Variants in MGAT5 observed in about 807,000 individuals in gnomAD.
MGAT5 encodes the protein alpha-1,6-mannosylglycoprotein 6-beta-N-acetylglucosaminyltransferase.
Under a neutral mutation model 94.3 loss-of-function variants are expected in MGAT5, and 30 were observed. That is an observed-to-expected ratio of 0.32 (90% CI 0.24 to 0.43). MGAT5 has a LOEUF of 0.43. MGAT5 is among the 20% of genes least tolerant of loss of function. The probability of loss-of-function intolerance (pLI) is 1.00; values close to 1 mark genes in which losing one functional copy is unlikely to be tolerated. For synonymous variants in MGAT5, 310 were observed against 322.9 expected (o/e 0.96, Z 0.43); for missense variants, 691 against 905.5 (o/e 0.76, Z 3.04).
intron 1 of MGAT5, among the ~76,000 whole-genome samples, chr2:134,183,792 C>T (rs183256892): frequency 5.9e-5 from 9 of 152,352 alleles, no homozygotes; most frequent in Admixed American, 2.6e-4. Context: ...GGCTGGCTCG[C>T]TCATGTTGAG....
intron 1 of MGAT5, among the ~76,000 whole-genome samples, chr2:134,264,266 T>TC (rs1481751537): frequency 6.6e-6 from 1 of 151,822 alleles, no homozygotes; most frequent in Non-Finnish European, 1.5e-5. Flanking sequence ...AGGTGATCGG[T>TC]CCCCCTCGGC....
chr2:134,189,427 T>C (rs1689206019), intron 1 of MGAT5, among the ~76,000 whole-genome samples: 2 of 151,958 alleles, frequency 1.3e-5, no homozygotes, highest in South Asian at 4.2e-4. Context: ...TACTGTACAA[T>C]AGGGAAATTA....
intron 1 of MGAT5, among the ~76,000 whole-genome samples, chr2:134,267,154 C>T (rs946369181): frequency 6.6e-6 from 1 of 152,098 alleles, no homozygotes; most frequent in Middle Eastern, 3.2e-3. Context: ...CAAGTAGATT[C>T]AGGGGGAGCA....
chr2:134,217,238 G>GTGTGTGTGTGT (rs1553495170), intron 1 of MGAT5, among the ~76,000 whole-genome samples: 63 of 145,220 alleles, frequency 4.3e-4, no homozygotes, highest in African/African-American at 1.6e-3. Flanking sequence ...GAGAGAGAGT[G>GTGTGTGTGTGT]GTGTGTGTGT....
intron 1 of MGAT5, among the ~76,000 whole-genome samples, chr2:134,173,314 A>G (rs773418166): frequency 5.9e-5 from 9 of 152,178 alleles, no homozygotes; most frequent in Non-Finnish European, 1.3e-4. Context: ...TAGTGCTGCC[A>G]GGTAGGGAAG....
At chr2:134,279,513 C>A (rs995996802) in intron 2 of MGAT5, among the ~76,000 whole-genome samples, 1 of 152,094 alleles carries the variant, frequency 6.6e-6, no homozygotes, top group African/African-American at 2.4e-5. Flanking sequence ...AATTACTGAC[C>A]CTTCAAGGAA....
intron 1 of MGAT5, among the ~76,000 whole-genome samples, chr2:134,128,151 T>C (rs1486199101): frequency 6.6e-6 from 1 of 151,738 alleles, no homozygotes; most frequent in Non-Finnish European, 1.5e-5. Flanking sequence ...GAAGGATTGC[T>C]TGAGCCCAGG....
chr2:134,304,446 G>A (rs914828610), intron 2 of MGAT5, among the ~76,000 whole-genome samples: 3 of 152,112 alleles, frequency 2.0e-5, no homozygotes, highest in Admixed American at 2.0e-4. Flanking sequence ...ATTCATCTGG[G>A]AACAGACTAC....
chr2:134,401,079 T>C lies in MGAT5; in HGVS notation c.1381-1909T>C, dbSNP rs142083664. ...CTCTCCCCTTCCTTCTCCTTATTCT[T>C]CTTCTACTCCTCTTTTTTTTTCTAG... On this transcript the variant is annotated intron_variant, in intron 10 of 15. Coordinates refer to ENST00000281923, the MANE Select transcript of MGAT5 (RefSeq NM_002410.5). Among the ~76,000 whole-genome samples the C allele has an allele frequency of 2.4e-3, 358 of 149,752 alleles. 5 individuals carry two copies. The highest frequency in any genetic ancestry group is 7.8e-3 in the African/African-American group (314 of 40,378).
At chr2:134,275,238 A>G (rs1684287105) in intron 2 of MGAT5, among the ~76,000 whole-genome samples, 1 of 152,180 alleles carries the variant, frequency 6.6e-6, no homozygotes, top group African/African-American at 2.4e-5. Flanking sequence ...GTGGCTTCCT[A>G]TTAAGTTGAG....
chr2:134,307,684 G>A (rs1410377339), intron 2 of MGAT5, among the ~76,000 whole-genome samples: 1 of 152,056 alleles, frequency 6.6e-6, no homozygotes, highest in Non-Finnish European at 1.5e-5. Context: ...GCTCTCCTGT[G>A]CCCTCTCAGA....
At chr2:134,272,163 G>T (rs1177331203) in intron 2 of MGAT5, among the ~76,000 whole-genome samples, 4 of 152,142 alleles carry the variant, frequency 2.6e-5, no homozygotes, top group African/African-American at 7.2e-5. Context: ...ACAGGGTCGT[G>T]GGTACACCTC....
At position 134,129,422 on chromosome 2, in the gene MGAT5, G is replaced by C. The variant is rs1052165516; in HGVS notation, c.-143+9131G>C. ...GCCATCTCCCTGTAAGGCAACATAA[G>C]CACAGGTTCCGGGGATTAGTATATG... is the stretch of plus-strand genomic sequence containing the variant. On this transcript the variant is annotated intron_variant, in intron 1 of 16. Coordinates refer to the MGAT5 transcript ENST00000409645. Among the ~76,000 whole-genome samples, 7 of 152,210 alleles carry C rather than the reference G, an allele frequency of 4.6e-5. 1 individual carries two copies. Among genetic ancestry groups the C allele is most frequent in the Admixed American group, 4.6e-4 (7 of 15,280 alleles).
chr2:134,319,796 G>A, intron 4 of MGAT5: 3 of 403,104 alleles, frequency 7.4e-6, no homozygotes, highest in South Asian at 5.4e-5. Context: ...TACATTGGGT[G>A]CATTCTGGGT....
At chr2:134,310,027 G>GT (rs1444645666) in intron 2 of MGAT5, among the ~76,000 whole-genome samples, 1 of 152,086 alleles carries the variant, frequency 6.6e-6, no homozygotes, top group Non-Finnish European at 1.5e-5. Flanking sequence ...TTATACATTA[G>GT]TTCTATTCTT....
chr2:134,382,023 A>G (rs1482305003), intron 10 of MGAT5, among the ~76,000 whole-genome samples: 1 of 152,138 alleles, frequency 6.6e-6, no homozygotes, highest in Admixed American at 6.5e-5. Flanking sequence ...CCCATTCTTA[A>G]TGCTACCCCT....
chr2:134,189,879 C>CA (rs1410346511), intron 1 of MGAT5, among the ~76,000 whole-genome samples: 6 of 152,056 alleles, frequency 3.9e-5, no homozygotes, highest in Non-Finnish European at 8.8e-5. Context: ...GGATTACAAG[C>CA]ATGAGACACT....
Position 134,355,792 on chromosome 2 carries a change from T to C in MGAT5, c.1246+5854T>C, listed in dbSNP as rs145387207. 7.7e-3 allele frequency among the ~76,000 whole-genome samples: 1,173 copies of C among 152,324 alleles called. 7 individuals carry two copies. The highest frequency in any genetic ancestry group is 0.016 in the South Asian group (76 of 4,830). The stretch of plus-strand genomic sequence containing the variant: ...CTTCGTCTGGCTTGTATAAAAACAT[T>C]GGCAGTGGTAAATCATCTTTATCTA... On this transcript the variant is annotated intron_variant, in intron 9 of 15. Coordinates refer to ENST00000281923, the MANE Select transcript of MGAT5 (RefSeq NM_002410.5).
chr2:134,173,625 C>T (rs773374769), intron 1 of MGAT5, among the ~76,000 whole-genome samples: 3 of 152,198 alleles, frequency 2.0e-5, no homozygotes, highest in Non-Finnish European at 4.4e-5. Context: ...CCCCCTCCAG[C>T]ATGTCATATA....
Sources: allele counts gnomAD v4.1 joint callset (sites outside exome capture counted in the v4.1 genomes callset), GRCh38; gene constraint gnomAD v4.1.1; transcripts MANE v1.5; gene names NCBI Gene and HGNC (gene_info 2026-07-23, HGNC 2026-07-21).